The following ALPK2 variants were observed in gnomAD, a reference collection of about 807,000 sequenced individuals.
ALPK2 encodes the protein alpha-protein kinase 2.
A neutral mutation model predicts 163.1 loss-of-function variants in ALPK2; 127 were observed. That is an observed-to-expected ratio of 0.78 (90% CI 0.67 to 0.90). ALPK2 has a LOEUF of 0.90. Ranked by LOEUF, ALPK2 falls within the 40% of genes least tolerant of loss-of-function variation. The pLI is 0.00. For synonymous variants in ALPK2, 953 were observed against 959.1 expected, an observed-to-expected ratio of 0.99 and a Z score of 0.12; for missense variants, 2,360 against 2,589.6, an observed-to-expected ratio of 0.91 and a Z score of 1.92.
At position 58,564,123 on chromosome 18, in the gene ALPK2, C is replaced by CTTTTTTTTTTTTTT. The variant is rs10689097; in HGVS notation, c.1962+14677_1962+14690dup. On this transcript the variant is annotated intron_variant, in intron 4 of 12. Coordinates refer to ENST00000361673, the MANE Select transcript of ALPK2 (RefSeq NM_052947.4). Reference sequence around the variant, plus strand: ...GAATTGCGTATTTGATGTCTTTGTTCTTTTTTTTTTTTTTTTGAGATGGAG... The same window carrying CTTTTTTTTTTTTTT: ...GAATTGCGTATTTGATGTCTTTGTTCTTTTTTTTTTTTTTTTTTTTTTTTTTTTTTGAGATGGAG... Among the ~76,000 whole-genome samples the CTTTTTTTTTTTTTT allele has an allele frequency of 8.9e-3, 912 of 102,302 alleles. 65 individuals carry two copies. The highest frequency in any genetic ancestry group is 0.012 in the Middle Eastern group (2 of 168). The allele number at this position is 102,302 out of a possible 152,430, so 67.1% of individuals were successfully genotyped here.
chr18:58,505,857 G>A (rs2051459317), intron 10 of ALPK2, among the ~76,000 whole-genome samples: 1 of 151,692 alleles, frequency 6.6e-6, no homozygotes, highest in African/African-American at 2.4e-5. Context: ...AGCAGCTCTG[G>A]GCACAGTGGA....
At chr18:58,613,712 AATAATAATAATAAT>A (rs2052148695) in intron 1 of ALPK2, among the ~76,000 whole-genome samples, 1 of 44,880 alleles carries the variant, frequency 2.2e-5, no homozygotes, top group Non-Finnish European at 5.2e-5. Flanking sequence ...AAAAAAAAAT[AATAATAATAATAAT>A]AATAATAATA....
At chr18:58,616,871 C>T (rs2052172014) in intron 1 of ALPK2, among the ~76,000 whole-genome samples, 1 of 151,990 alleles carries the variant, frequency 6.6e-6, no homozygotes, top group African/African-American at 2.4e-5. Flanking sequence ...TCAGAAGTTC[C>T]AGAAGCCTTG....
intron 11 of ALPK2, 126 bp from the exon 12 acceptor site, chr18:58,498,223 G>A (rs763516380): frequency 2.4e-5 from 20 of 847,778 alleles, no homozygotes; most frequent in Non-Finnish European, 3.6e-5. Flanking sequence ...ATAAACACTC[G>A]AGGCCTCTTT....
intron 5 of ALPK2, among the ~76,000 whole-genome samples, chr18:58,529,600 A>T (rs1203446142): frequency 6.6e-6 from 1 of 152,246 alleles, no homozygotes; most frequent in Non-Finnish European, 1.5e-5. Flanking sequence ...CAGATCATCC[A>T]GGTCGAAATC....
rs542707507 is a variant in ALPK2, at chr18:58,569,044, T to A, written c.1962+9770A>T. ...TCCTGGGCAACATGGCAAAACCCCA[T>A]CTCTACTAAAAATAGAAAAATTAGC... On this transcript the variant is annotated intron_variant, in intron 4 of 12. Coordinates refer to ENST00000361673, the MANE Select transcript of ALPK2 (RefSeq NM_052947.4). 4.6e-5 allele frequency among the ~76,000 whole-genome samples: 7 copies of A among 152,212 alleles called. No individual in the cohort carries two copies. The South Asian group carries it at 1.5e-3, about 32-fold the overall frequency.
intron 3 of ALPK2, among the ~76,000 whole-genome samples, chr18:58,601,138 C>A (rs1046192774): frequency 6.6e-6 from 1 of 152,126 alleles, no homozygotes; most frequent in South Asian, 2.1e-4. Flanking sequence ...TGCCTGTAAC[C>A]CCAGCTACTT....
At chr18:58,519,516 G>A (rs1310351914) in intron 8 of ALPK2, among the ~76,000 whole-genome samples, 3 of 152,164 alleles carry the variant, frequency 2.0e-5, no homozygotes, top group Non-Finnish European at 4.4e-5. Context: ...CTAATTAACT[G>A]AAGATAAAAG....
chr18:58,604,672 C>T (rs550942156), intron 3 of ALPK2, among the ~76,000 whole-genome samples: 2 of 152,176 alleles, frequency 1.3e-5, no homozygotes, highest in African/African-American at 4.8e-5. Context: ...TCTTGCATTA[C>T]GACGGAATAC....
At chr18:58,570,744 A>G (rs2051881572) in intron 4 of ALPK2, among the ~76,000 whole-genome samples, 1 of 152,232 alleles carries the variant, frequency 6.6e-6, no homozygotes, top group African/African-American at 2.4e-5. Context: ...AAGACGGCAC[A>G]TCTAGACTTG....
At chr18:58,571,269 C>T (rs1306423909) in intron 4 of ALPK2, among the ~76,000 whole-genome samples, 1 of 152,112 alleles carries the variant, frequency 6.6e-6, no homozygotes, top group Non-Finnish European at 1.5e-5. Context: ...GATTCACCCA[C>T]CTCAGCCTCC....
intron 8 of ALPK2, among the ~76,000 whole-genome samples, 180 bp from the exon 9 acceptor site, chr18:58,517,362 G>C (rs1379334359): frequency 2.0e-5 from 3 of 152,204 alleles, no homozygotes; most frequent in Non-Finnish European, 4.4e-5. Context: ...TGAGTGGTTT[G>C]GTGAGGAGGA....
chr18:58,526,668 A>G (rs373192097), intron 6 of ALPK2, among the ~76,000 whole-genome samples: 1 of 152,332 alleles, frequency 6.6e-6, no homozygotes, highest in Non-Finnish European at 1.5e-5. Context: ...AAGCCAAGAC[A>G]TGCCACTGCT....
chr18:58,601,783 G>C (rs2052071212), intron 3 of ALPK2, among the ~76,000 whole-genome samples: 1 of 152,172 alleles, frequency 6.6e-6, no homozygotes, highest in African/African-American at 2.4e-5. Context: ...AAAACCAGCA[G>C]AGAACCAGCC....
At chr18:58,505,974 C>G (rs1036492406) in intron 10 of ALPK2, among the ~76,000 whole-genome samples, 1 of 152,180 alleles carries the variant, frequency 6.6e-6, no homozygotes, top group African/African-American at 2.4e-5. Flanking sequence ...ATCCTCTCCC[C>G]TTTAGACTCT....
intron 4 of ALPK2, among the ~76,000 whole-genome samples, chr18:58,567,947 T>G (rs1046064536): frequency 6.6e-6 from 1 of 152,182 alleles, no homozygotes; most frequent in Admixed American, 6.5e-5. Context: ...CTTTGAGGTC[T>G]CCGCACCCTC....
intron 4 of ALPK2, among the ~76,000 whole-genome samples, chr18:58,574,436 C>T (rs1361059751): frequency 9.5e-6 from 1 of 105,770 alleles, no homozygotes; most frequent in Non-Finnish European, 1.9e-5. Flanking sequence ...GAGACTCCAT[C>T]TCAAAAAAAA....
intron 4 of ALPK2, among the ~76,000 whole-genome samples, chr18:58,539,467 T>C (rs2051678686): frequency 6.6e-6 from 1 of 152,220 alleles, no homozygotes; most frequent in Non-Finnish European, 1.5e-5. Context: ...CAGCAAACTC[T>C]TTGACTAAAT....
At chr18:58,484,240 C>G (rs1195377653) in intron 12 of ALPK2, among the ~76,000 whole-genome samples, 1 of 152,154 alleles carries the variant, frequency 6.6e-6, no homozygotes, top group Non-Finnish European at 1.5e-5. Context: ...AATATAGTCA[C>G]ATGGGAGGAA....
Sources: gnomAD v4.1 joint callset for allele counts (sites outside exome capture counted in the v4.1 genomes callset) on GRCh38, gnomAD v4.1.1 for gene constraint, MANE v1.5 for transcripts, NCBI Gene and HGNC (gene_info 2026-07-23, HGNC 2026-07-21) for gene names.